Variants in TAS2R1 observed in about 807,000 individuals in gnomAD.
TAS2R1 encodes the protein taste 2 receptor member 1, also known as taste receptor type 2 member 1.
For synonymous variants in TAS2R1, 141 were observed against 134.2 expected (o/e 1.05, Z -0.35); for missense variants, 370 against 353.4 (o/e 1.05, Z -0.38).
intron 2 of TAS2R1, among the ~76,000 whole-genome samples, chr5:9,650,287 AT>A (rs35395775): frequency 0.022 from 3,375 of 150,876 alleles, 57 homozygotes; most frequent in East Asian, 0.079. Context: ...AAATTAAAGA[AT>A]TTTTTTTTTC....
chr5:9,681,280 G>C (rs181929967), intron 1 of TAS2R1, among the ~76,000 whole-genome samples: 8 of 151,604 alleles, frequency 5.3e-5, no homozygotes, highest in African/African-American at 1.9e-4. Flanking sequence ...GGGAAAAATG[G>C]GTGTGGGGCA....
the TAS2R1 span, among the ~76,000 whole-genome samples, chr5:9,717,687 T>C: frequency 1.6e-5 from 2 of 122,316 alleles, no homozygotes; most frequent in Non-Finnish European, 3.8e-5. Flanking sequence ...AAGGAAAAGA[T>C]GAAAAAAAAG....
At chr5:9,894,273 G>A in the TAS2R1 span, among the ~76,000 whole-genome samples, 8 of 152,150 alleles carry the variant, frequency 5.3e-5, no homozygotes, top group African/African-American at 9.7e-5. Flanking sequence ...CCGTGGTGGT[G>A]TGTGCCTGTA....
chr5:9,669,166 G>A (rs532305665), intron 1 of TAS2R1, among the ~76,000 whole-genome samples: 113 of 152,266 alleles, frequency 7.4e-4, no homozygotes, highest in Non-Finnish European at 1.5e-3. Flanking sequence ...AAAAGACAAA[G>A]AGGGGAATGA....
chr5:9,805,287 C>A, the TAS2R1 span, among the ~76,000 whole-genome samples: 5 of 151,866 alleles, frequency 3.3e-5, no homozygotes, highest in Non-Finnish European at 5.9e-5. Context: ...CAGGACCAGG[C>A]AGATTCACAG....
chr5:9,827,583 C>T, the TAS2R1 span, among the ~76,000 whole-genome samples: 2 of 138,960 alleles, frequency 1.4e-5, no homozygotes, highest in Non-Finnish European at 3.1e-5. Flanking sequence ...CACACACACC[C>T]GGGTGTGGTG....
rs989889868 is a variant in TAS2R1 at position 9,627,383 on chromosome 5, T to A, written c.*1750A>T. On this transcript the variant is annotated 3_prime_UTR_variant, in exon 1 of 1. Coordinates refer to ENST00000382492, the MANE Select transcript of TAS2R1 (RefSeq NM_019599.3). ...ATTGTTTTATTATGAATTCTTTTTT[T>A]AAACATTTCTTGATAACAGTATAAA... Among the ~76,000 whole-genome samples, 1 of 152,166 alleles carries A rather than the reference T, an allele frequency of 6.6e-6. No homozygotes were observed. Among genetic ancestry groups the A allele is most frequent in the East Asian group, 1.9e-4 (1 of 5,192 alleles).
chr5:9,797,691 G>A, the TAS2R1 span, among the ~76,000 whole-genome samples: 3 of 152,094 alleles, frequency 2.0e-5, no homozygotes, highest in African/African-American at 7.2e-5. Flanking sequence ...GGTTGTTGAC[G>A]ATGATGCCAC....
the TAS2R1 span, among the ~76,000 whole-genome samples, chr5:9,863,633 C>T: frequency 1.3e-5 from 2 of 152,190 alleles, no homozygotes; most frequent in Non-Finnish European, 2.9e-5. Flanking sequence ...AACCTAACCC[C>T]GTGTTCCCTG....
chr5:9,782,913 A>G, the TAS2R1 span, among the ~76,000 whole-genome samples: 1 of 152,282 alleles, frequency 6.6e-6, no homozygotes, highest in Admixed American at 6.5e-5. Flanking sequence ...TCTCAGAATG[A>G]GGATAGCTAG....
At chr5:9,824,766 G>C in the TAS2R1 span, among the ~76,000 whole-genome samples, 7 of 148,520 alleles carry the variant, frequency 4.7e-5, no homozygotes, top group Non-Finnish European at 3.0e-5. Flanking sequence ...AGAATAGCTT[G>C]AACCTGGGCA....
intron 2 of TAS2R1, among the ~76,000 whole-genome samples, chr5:9,644,267 TA>T (rs1252556084): frequency 6.6e-6 from 1 of 152,110 alleles, no homozygotes; most frequent in Non-Finnish European, 1.5e-5. Context: ...AGTGTGGAAG[TA>T]GAAATAACAA....
chr5:9,644,178 TACA>T (rs1392255868), intron 2 of TAS2R1, among the ~76,000 whole-genome samples: 4 of 152,206 alleles, frequency 2.6e-5, no homozygotes, highest in Non-Finnish European at 5.9e-5. Context: ...ATTTATATCC[TACA>T]ACATTTACTC....
At position 9,629,400 on chromosome 5, in the gene TAS2R1, T is replaced by C; in HGVS notation, c.633A>G (p.Thr211=). The change falls in exon 1 of 1, where the codon ACA becomes ACG. Residue 211 remains threonine (T), a synonymous_variant. Transcript: ENST00000382492. ...TGCCAGGAACCCTGCTGCCGGCCACTGTGTTTCTCATTTGCCGGGTGTGCC... is the reference window on the plus strand; with the variant it reads ...TGCCAGGAACCCTGCTGCCGGCCACCGTGTTTCTCATTTGCCGGGTGTGCC... ...LGRHTRQMRN[T]VAGSRVPGRG... is the part of the protein sequence containing the mutation. 1 of 1,614,164 alleles carries C rather than the reference T, an allele frequency of 6.2e-7. No individual in the cohort carries two copies. The highest frequency in any genetic ancestry group is 8.5e-7 in the Non-Finnish European group (1 of 1,180,036).
intron 2 of TAS2R1, among the ~76,000 whole-genome samples, chr5:9,650,260 A>G (rs868541006): frequency 2.7e-4 from 41 of 151,642 alleles, no homozygotes; most frequent in African/African-American, 9.4e-4. Flanking sequence ...TGCCTTTGCC[A>G]AAGGAAACTT....
intron 2 of TAS2R1, among the ~76,000 whole-genome samples, chr5:9,638,205 T>G (rs541960139): frequency 1.6e-4 from 25 of 152,290 alleles, no homozygotes; most frequent in African/African-American, 6.0e-4. Flanking sequence ...TCTTCTGGGT[T>G]TAGCCACCCA....
At chr5:9,805,514 C>G in the TAS2R1 span, among the ~76,000 whole-genome samples, 1 of 152,082 alleles carries the variant, frequency 6.6e-6, no homozygotes, top group Non-Finnish European at 1.5e-5. Context: ...TACTAGCTAA[C>G]AGAATCTAAC....
the TAS2R1 span, among the ~76,000 whole-genome samples, chr5:9,775,210 G>A: frequency 2.2e-3 from 337 of 152,200 alleles, 1 homozygote; most frequent in South Asian, 8.1e-3. Flanking sequence ...TGTGTCCACC[G>A]CCATCCCAGG....
chr5:9,790,606 T>A, the TAS2R1 span, among the ~76,000 whole-genome samples: 8 of 152,210 alleles, frequency 5.3e-5, no homozygotes, highest in Non-Finnish European at 1.2e-4. Context: ...TGTGTCTGTG[T>A]GTGCATGTGT....
Sources: gnomAD v4.1 joint callset for allele counts (sites outside exome capture counted in the v4.1 genomes callset) on GRCh38, gnomAD v4.1.1 for gene constraint, MANE v1.5 for transcripts, NCBI Gene and HGNC (gene_info 2026-07-23, HGNC 2026-07-21) for gene names.